Variants in MMS22L observed in about 807,000 individuals in gnomAD.
The protein encoded by MMS22L is MMS22 like, DNA repair protein, also known as protein MMS22-like.
MMS22L carries 74 observed loss-of-function variants against 159.1 expected under a neutral mutation model. The observed-to-expected ratio is 0.47, with a 90% confidence interval of 0.39 to 0.56. The LOEUF is 0.56. Ranked by LOEUF, MMS22L falls within the 20% of genes least tolerant of loss-of-function variation. The pLI is 0.00. For missense variants in MMS22L, 1,351 were observed against 1,422.1 expected, an observed-to-expected ratio of 0.95 and a Z score of 0.80; for synonymous variants, 517 against 506.9, an observed-to-expected ratio of 1.02 and a Z score of -0.27.
At chr6:97,219,216 T>C (rs763556413) in intron 14 of MMS22L, among the ~76,000 whole-genome samples, 12 of 152,146 alleles carry the variant, frequency 7.9e-5, no homozygotes, top group Non-Finnish European at 1.6e-4. Flanking sequence ...ACATTTCTCT[T>C]GAAATGTACA....
At chr6:97,191,770 T>C (rs2128287357) in intron 14 of MMS22L, among the ~76,000 whole-genome samples, 1 of 152,312 alleles carries the variant, frequency 6.6e-6, no homozygotes, top group South Asian at 2.1e-4. Context: ...AATCCTCTCA[T>C]CATACTTGCT....
chr6:97,239,811 CAGA>C (rs1373981303), intron 11 of MMS22L, among the ~76,000 whole-genome samples: 3 of 152,118 alleles, frequency 2.0e-5, no homozygotes, highest in Non-Finnish European at 2.9e-5. Flanking sequence ...GAGAAGGAGG[CAGA>C]AGAAGTGCTT....
rs535985231 is a variant in MMS22L, at chr6:97,145,719, A to T, written c.*1087T>A. On this transcript the variant is annotated 3_prime_UTR_variant, in exon 25 of 25. Transcript: ENST00000683635. ...TAAAGGGATTCTTCTTTTCTTCTCC[A>T]TGAAGAAACTAGACTGAGAAAGGTT... 7.2e-5 allele frequency: 11 copies of T among 152,284 alleles called. No homozygotes were observed. The highest frequency in any genetic ancestry group is 1.5e-4 in the Non-Finnish European group (10 of 68,002). 9.4% of individuals were successfully genotyped at this position (152,284 alleles called of 1,614,324 possible).
intron 7 of MMS22L, among the ~76,000 whole-genome samples, chr6:97,269,128 T>A (rs565712227): frequency 1.3e-5 from 2 of 151,932 alleles, no homozygotes; most frequent in East Asian, 3.9e-4. Context: ...ATACAATGAG[T>A]AATTAATAAA....
rs1811127032 is a variant in MMS22L, at chr6:97,233,906, G to A, written c.1257C>T (p.Asn419=). 1 of 1,611,162 alleles carries A rather than the reference G, an allele frequency of 6.2e-7. No individual in the cohort carries two copies. The highest frequency in any genetic ancestry group is 1.7e-5 in the Admixed American group (1 of 59,598). ...CLTLCDFWEP[N]IAIVTILWEY... ...CCCATAAAATGGTAACAATTGCAAT[G>A]TTTGGCTCCCAGAAATCACAAAGTG... is the stretch of plus-strand genomic sequence containing the variant. The change falls in exon 12 of 25, where the codon AAC becomes AAT. Residue 419 remains asparagine (N), a synonymous_variant. Coordinates refer to ENST00000683635, the MANE Select transcript of MMS22L (RefSeq NM_001350599.2).
rs1218790872 is a variant in MMS22L, at chr6:97,156,672, G to A, written c.3386-4805C>T. Among the ~76,000 whole-genome samples, 3 of 152,054 alleles carry A rather than the reference G, an allele frequency of 2.0e-5. No homozygotes were observed. In the East Asian group the frequency reaches 5.8e-4, roughly 29 times the overall value. Reference sequence around the variant, plus strand: ...GCCTCTGCTCTGTTCCATTGGTCTGGACATCTGTGTTGGTACCAGTACCAT... The same window carrying A: ...GCCTCTGCTCTGTTCCATTGGTCTGAACATCTGTGTTGGTACCAGTACCAT... On this transcript the variant is annotated intron_variant, in intron 22 of 24. Transcript: ENST00000683635.
intron 22 of MMS22L, among the ~76,000 whole-genome samples, chr6:97,158,263 C>A (rs904946907): frequency 7.9e-5 from 12 of 152,068 alleles, no homozygotes; most frequent in Non-Finnish European, 1.8e-4. Flanking sequence ...TTTCAAAAAA[C>A]CAGCTCCTGG....
intron 22 of MMS22L, among the ~76,000 whole-genome samples, chr6:97,152,684 C>G (rs946567814): frequency 3.3e-5 from 5 of 151,968 alleles, no homozygotes; most frequent in African/African-American, 9.7e-5. Flanking sequence ...AGAATGTTTT[C>G]CATGCGATGA....
chr6:97,280,131 TAA>T (rs1816628432), intron 3 of MMS22L, among the ~76,000 whole-genome samples: 1 of 152,206 alleles, frequency 6.6e-6, no homozygotes, highest in Non-Finnish European at 1.5e-5. Context: ...AGATACAGTT[TAA>T]GTCTCTTCAA....
intron 11 of MMS22L, among the ~76,000 whole-genome samples, chr6:97,235,580 T>C (rs114316613): frequency 0.04 from 6,144 of 152,214 alleles, 142 homozygotes; most frequent in Middle Eastern, 0.071. Context: ...AAAACGACAA[T>C]GGTGAACAGG....
At chr6:97,253,887 G>A (rs914036229) in intron 10 of MMS22L, 2 of 152,178 alleles carry the variant, frequency 1.3e-5, no homozygotes, top group Admixed American at 1.3e-4. Context: ...CTTATTTTAT[G>A]GAGCTGATAG....
chr6:97,239,257 G>T (rs1258307539), intron 11 of MMS22L, among the ~76,000 whole-genome samples: 1 of 152,022 alleles, frequency 6.6e-6, no homozygotes, highest in Non-Finnish European at 1.5e-5. Flanking sequence ...AAATTAATGT[G>T]TTTAAAAAAT....
chr6:97,270,533 C>A (rs1389676924), intron 6 of MMS22L: 1 of 272,768 alleles, frequency 3.7e-6, no homozygotes, highest in Non-Finnish European at 7.3e-6. Context: ...CAAAACCCAG[C>A]ACTTTCAAGT....
intron 12 of MMS22L, among the ~76,000 whole-genome samples, chr6:97,233,639 C>T (rs981378422): frequency 1.3e-4 from 20 of 151,794 alleles, no homozygotes; most frequent in African/African-American, 4.4e-4. Flanking sequence ...CTTTGTTTAC[C>T]CTTGCTCTCA....
chr6:97,251,190 T>C (rs1195802834), intron 10 of MMS22L, among the ~76,000 whole-genome samples: 1 of 152,128 alleles, frequency 6.6e-6, no homozygotes, highest in African/African-American at 2.4e-5. Context: ...CCTGGCAAAA[T>C]GGAACACATG....
chr6:97,257,424 G>A (rs1481483800), intron 9 of MMS22L, among the ~76,000 whole-genome samples: 2 of 152,098 alleles, frequency 1.3e-5, no homozygotes, highest in East Asian at 1.9e-4. Flanking sequence ...GAGTATACCA[G>A]TTTTTCAGGT....
At chr6:97,168,662 A>G (rs967202356) in intron 19 of MMS22L, among the ~76,000 whole-genome samples, 10 of 152,088 alleles carry the variant, frequency 6.6e-5, no homozygotes, top group Non-Finnish European at 1.3e-4. Flanking sequence ...CCAAAATCCA[A>G]AAAAATCTGA....
chr6:97,250,403 G>A (rs978899529), intron 10 of MMS22L, among the ~76,000 whole-genome samples: 2 of 152,062 alleles, frequency 1.3e-5, no homozygotes, highest in African/African-American at 2.4e-5. Flanking sequence ...ATTCAAAGAC[G>A]AGCATCAGCT....
At chr6:97,168,324 A>G in intron 19 of MMS22L, 84 bp from the exon 20 acceptor site, 1 of 1,288,232 alleles carries the variant, frequency 7.8e-7, no homozygotes, top group Non-Finnish European at 1.1e-6. Context: ...TTTGTATTGA[A>G]AGCACATGGG....
Sources: gnomAD v4.1 joint callset for allele counts (sites outside exome capture counted in the v4.1 genomes callset) on GRCh38, gnomAD v4.1.1 for gene constraint, MANE v1.5 for transcripts, NCBI Gene and HGNC (gene_info 2026-07-23, HGNC 2026-07-21) for gene names.